Variants in MDM2 observed in about 807,000 individuals in gnomAD.
MDM2 encodes the protein E3 ubiquitin-protein ligase Mdm2.
Under a neutral mutation model 64.3 loss-of-function variants are expected in MDM2, and 11 were observed. The ratio of observed to expected loss-of-function variants is 0.17; its 90% CI spans 0.11 to 0.28. The LOEUF is 0.28. MDM2 is among the 10% of genes least tolerant of loss of function. The probability of loss-of-function intolerance (pLI) is 1.00; values close to 1 mark genes in which losing one functional copy is unlikely to be tolerated. For missense variants in MDM2, 388 were observed against 577.1 expected, an observed-to-expected ratio of 0.67 and a Z score of 3.36; for synonymous variants, 194 against 192.9, an observed-to-expected ratio of 1.01 and a Z score of -0.05.
chr12:68,849,232 G>A (rs888233655), downstream of MDM2: 14 of 151,776 alleles, frequency 9.2e-5, no homozygotes, highest in African/African-American at 2.9e-4. Flanking sequence ...TAGGATTACA[G>A]GGGTCCACCA....
intron 2 of MDM2, among the ~76,000 whole-genome samples, chr12:68,810,502 C>T (rs1264162116): frequency 2.0e-5 from 3 of 151,768 alleles, no homozygotes; most frequent in Admixed American, 1.3e-4. Flanking sequence ...TGCTCTGTCT[C>T]CCAGGCTGGA....
At chr12:68,827,166 G>A (rs910052563) in intron 7 of MDM2, among the ~76,000 whole-genome samples, 4 of 152,134 alleles carry the variant, frequency 2.6e-5, no homozygotes, top group African/African-American at 9.7e-5. Flanking sequence ...GGACAAGAGT[G>A]AGACTTTGTC....
In MDM2 at chr12:68,839,596, A is replaced by T. The variant is rs201788800; in HGVS notation, c.1241A>T (p.Gln414Leu). ...TCTAGTAGCATTATTTATAGCAGCC[A>T]AGAAGATGTGAAAGAGTTTGAAAGG... ...STSSSIIYSS[Q>L]EDVKEFEREE... Residue 414 changes from glutamine (Q) to leucine (L), a missense_variant, in exon 11 of 11, where the codon CAA (glutamine) becomes CTA (leucine). Transcript: ENST00000258149. 2.4e-5 allele frequency: 38 copies of T among 1,613,868 alleles called. No individual in the cohort carries two copies. The highest frequency in any genetic ancestry group is 3.2e-5 in the Non-Finnish European group (38 of 1,180,040).
At chr12:68,833,132 AAAAAAAAAAAAAAAAAAAT>A (rs1882942483) in intron 8 of MDM2, among the ~76,000 whole-genome samples, 1 of 89,578 alleles carries the variant, frequency 1.1e-5, no homozygotes, top group Non-Finnish European at 1.9e-5. Context: ...TCTCCAAAAA[AAAAAAAAAAAAAAAAAAAT>A]ATATATATAT....
chr12:68,825,389 C>G (rs796107371), intron 7 of MDM2, among the ~76,000 whole-genome samples: 35 of 152,238 alleles, frequency 2.3e-4, no homozygotes, highest in African/African-American at 7.9e-4. Context: ...CGCAGTGGCT[C>G]ACGCCTGTAA....
At chr12:68,820,718 CATG>C (rs1881771583) in intron 5 of MDM2, among the ~76,000 whole-genome samples, 1 of 152,112 alleles carries the variant, frequency 6.6e-6, no homozygotes, top group South Asian at 2.1e-4. Context: ...TAGGTAGGAC[CATG>C]TGTAAGGATG....
chr12:68,842,066 G>A lies in MDM2; in HGVS notation c.*2217G>A, dbSNP rs912221456. 184 of 408,976 alleles carry A rather than the reference G, an allele frequency of 4.5e-4. 3 individuals carry two copies. Among genetic ancestry groups the A allele is most frequent in the Non-Finnish European group, 9.4e-5 (20 of 212,592 alleles). 25.3% of individuals were successfully genotyped at this position (408,976 alleles called of 1,614,324 possible). On this transcript the variant is annotated 3_prime_UTR_variant, in exon 11 of 11. Transcript: ENST00000258149. ...AAGTGCAATTCTCAAAAGGTTAGGT[G>A]GACTAAAGCATTCTGTAAAGCAACT...
intron 7 of MDM2, among the ~76,000 whole-genome samples, chr12:68,827,960 GTCT>G (rs1882476047): frequency 6.6e-6 from 1 of 152,106 alleles, no homozygotes; most frequent in African/African-American, 2.4e-5. Context: ...GTGAAACCCT[GTCT>G]CTACCAAAAA....
At chr12:68,828,709 C>T in intron 7 of MDM2, 62 bp from the exon 8 acceptor site, 1 of 1,504,448 alleles carries the variant, frequency 6.6e-7, no homozygotes, top group Non-Finnish European at 9.1e-7. Flanking sequence ...AATAGGTACT[C>T]AAAACAGCTC....
intron 7 of MDM2, among the ~76,000 whole-genome samples, chr12:68,825,542 A>G (rs1592584955): frequency 6.6e-6 from 1 of 152,092 alleles, no homozygotes; most frequent in Non-Finnish European, 1.5e-5. Context: ...AGTCCCAGCT[A>G]CTCGGGAGGC....
chr12:68,818,675 T>C (rs1204145544), intron 4 of MDM2, among the ~76,000 whole-genome samples: 5 of 150,876 alleles, frequency 3.3e-5, no homozygotes, highest in Non-Finnish European at 7.4e-5. Flanking sequence ...GGCCTTGGTA[T>C]ATATGGTTTA....
At position 68,819,162 on chromosome 12, in the gene MDM2, G is replaced by A. The variant is rs556531275; in HGVS notation, c.309-1163G>A. ...ATGAATTAAAAATATTGTGGGTTTA[G>A]GTTGCTGTATCCTTATTCCCAAGGA... On this transcript the variant is annotated intron_variant, in intron 4 of 10. Coordinates refer to ENST00000258149, the MANE Select transcript of MDM2 (RefSeq NM_002392.6). 9.4e-4 allele frequency among the ~76,000 whole-genome samples: 143 copies of A among 152,270 alleles called. 1 individual carries two copies. Among genetic ancestry groups the A allele is most frequent in the African/African-American group, 3.3e-3 (136 of 41,560 alleles).
chr12:68,809,306 T>G lies in MDM2; in HGVS notation c.99+14T>G, dbSNP rs975234124. The G allele has an allele frequency of 3.1e-6, 5 of 1,609,108 alleles. No individual in the cohort carries two copies. Among genetic ancestry groups the G allele is most frequent in the Admixed American group, 3.3e-5 (2 of 59,872 alleles). On this transcript the variant is annotated intron_variant, in intron 2 of 10. Transcript: ENST00000258149. ...CAAGAGACCCTGGTTAGTATTTTTG[T>G]CTCGTGTAACTTTTAAGAATAATTT...
chr12:68,820,187 C>T, intron 4 of MDM2, 138 bp from the exon 5 acceptor site: 1 of 576,158 alleles, frequency 1.7e-6, no homozygotes, highest in Non-Finnish European at 3.1e-6. Context: ...ACAAGCTTGC[C>T]AATGATAAAT....
At chr12:68,818,679 TG>T (rs1465843559) in intron 4 of MDM2, among the ~76,000 whole-genome samples, 1 of 150,980 alleles carries the variant, frequency 6.6e-6, no homozygotes, top group African/African-American at 2.4e-5. Context: ...TTGGTATATA[TG>T]GTTTAATTTT....
chr12:68,820,639 A>G (rs1214455318), intron 5 of MDM2, among the ~76,000 whole-genome samples: 1 of 152,206 alleles, frequency 6.6e-6, no homozygotes, highest in African/African-American at 2.4e-5. Context: ...TGTAATTTCA[A>G]AAGCTCCTGT....
At chr12:68,814,040 A>T (rs1053059777) in intron 3 of MDM2, among the ~76,000 whole-genome samples, 1 of 152,252 alleles carries the variant, frequency 6.6e-6, no homozygotes, top group Non-Finnish European at 1.5e-5. Context: ...TTAGAAGAAG[A>T]TATAATAAAT....
intron 7 of MDM2, among the ~76,000 whole-genome samples, chr12:68,827,879 C>T (rs529637810): frequency 6.0e-4 from 91 of 152,204 alleles, no homozygotes; most frequent in African/African-American, 2.1e-3. Flanking sequence ...GCCTGTAATC[C>T]CAGCACTTTG....
intron 7 of MDM2, among the ~76,000 whole-genome samples, chr12:68,825,427 G>A (rs1882231471): frequency 6.6e-6 from 1 of 152,192 alleles, no homozygotes; most frequent in African/African-American, 2.4e-5. Flanking sequence ...GCCGAGGCGG[G>A]TGGATCATGA....
Sources: gnomAD v4.1 joint callset for allele counts (sites outside exome capture counted in the v4.1 genomes callset) on GRCh38, gnomAD v4.1.1 for gene constraint, MANE v1.5 for transcripts, NCBI Gene and HGNC (gene_info 2026-07-23, HGNC 2026-07-21) for gene names.